SLC13A1: variants seen among roughly 807,000 people sequenced by gnomAD.
SLC13A1 encodes Na(+)/sulfate cotransporter.
SLC13A1 carries 65 observed loss-of-function variants against 70.0 expected under a neutral mutation model. The observed-to-expected ratio is 0.93, with a 90% CI of 0.76 to 1.14. The LOEUF (loss-of-function observed/expected upper bound fraction) is 1.14. Ranked by LOEUF, SLC13A1 falls within the 50% of genes most tolerant of loss-of-function variation. SLC13A1 has a pLI of 0.00. For missense variants in SLC13A1, 726 were observed against 717.8 expected, an observed-to-expected ratio of 1.01 and a Z score of -0.13; for synonymous variants, 275 against 250.5, an observed-to-expected ratio of 1.10 and a Z score of -0.92.
chr7:123,167,726 C>T (rs1383128665), intron 6 of SLC13A1, among the ~76,000 whole-genome samples: 1 of 152,000 alleles, frequency 6.6e-6, no homozygotes, highest in African/African-American at 2.4e-5. Flanking sequence ...GCTACAACTC[C>T]TCCACCTGTA....
At chr7:123,155,177 C>A (rs1025479154) in intron 6 of SLC13A1, among the ~76,000 whole-genome samples, 3 of 151,928 alleles carry the variant, frequency 2.0e-5, no homozygotes, top group Non-Finnish European at 4.4e-5. Flanking sequence ...AATCATAAAA[C>A]TTGTACTCTT....
At chr7:123,134,124 C>A (rs538302318) in intron 8 of SLC13A1, among the ~76,000 whole-genome samples, 2 of 151,870 alleles carry the variant, frequency 1.3e-5, no homozygotes, top group African/African-American at 4.8e-5. Flanking sequence ...GAGAGGATTG[C>A]GCAAGCAATC....
At chr7:123,139,520 T>C (rs1289208398) in intron 7 of SLC13A1, among the ~76,000 whole-genome samples, 3 of 152,102 alleles carry the variant, frequency 2.0e-5, no homozygotes, top group African/African-American at 7.2e-5. Context: ...ATGAACCTTT[T>C]AATAATATTG....
At chr7:123,165,915 G>A (rs1416164313) in intron 6 of SLC13A1, among the ~76,000 whole-genome samples, 2 of 152,080 alleles carry the variant, frequency 1.3e-5, no homozygotes, top group East Asian at 3.9e-4. Flanking sequence ...CTTTGTGTCA[G>A]GCAATGGGAA....
At position 123,147,199 on chromosome 7, in the gene SLC13A1, C is replaced by A; in HGVS notation, c.772G>T (p.Gly258Cys). The change falls in exon 7 of 15, where the codon GGT becomes TGT. Residue 258 changes from glycine to cysteine, a missense_variant. Physicochemically the swap from Gly to Cys is radical, Grantham distance 159. Transcript: ENST00000194130. ...GCAAAGATCAAGTTGGTGGAGGTAC[C>A]AGTGATTGTTGTCAGTCCACCAATG... is the stretch of plus-strand genomic sequence containing the variant. ...STIGGLTTIT[G>C]TSTNLIFAEY... is the part of the protein sequence containing the mutation. 1 of 1,613,560 alleles carries A rather than the reference C, an allele frequency of 6.2e-7. No homozygotes were observed.
At chr7:123,149,679 G>A (rs978831806) in intron 6 of SLC13A1, 6 of 450,554 alleles carry the variant, frequency 1.3e-5, no homozygotes, top group African/African-American at 1.0e-4. Context: ...GTTACTCAGG[G>A]GTAGAAAGAG....
chr7:123,178,580 A>G (rs780202126), intron 2 of SLC13A1, among the ~76,000 whole-genome samples: 5 of 152,164 alleles, frequency 3.3e-5, no homozygotes, highest in African/African-American at 4.8e-5. Flanking sequence ...TTATTAAAGG[A>G]CATGATCATA....
chr7:123,137,768 T>G (rs1002416354), intron 7 of SLC13A1, among the ~76,000 whole-genome samples: 1 of 152,166 alleles, frequency 6.6e-6, no homozygotes, highest in Non-Finnish European at 1.5e-5. Flanking sequence ...AAAAAAATTC[T>G]TAAAATTTTT....
chr7:123,150,104 G>A (rs1052859552), intron 6 of SLC13A1, among the ~76,000 whole-genome samples: 15 of 152,256 alleles, frequency 9.9e-5, no homozygotes, highest in Admixed American at 7.8e-4. Context: ...ATCCAGTGCT[G>A]TAATGATGTT....
intron 1 of SLC13A1, among the ~76,000 whole-genome samples, chr7:123,188,623 A>T (rs1012029129): frequency 2.0e-5 from 3 of 151,498 alleles, no homozygotes; most frequent in Admixed American, 2.0e-4. Flanking sequence ...TTTTTCTTTT[A>T]TCTCATGGAT....
intron 6 of SLC13A1, among the ~76,000 whole-genome samples, chr7:123,159,397 C>G (rs1008706162): frequency 6.6e-5 from 10 of 152,144 alleles, no homozygotes; most frequent in African/African-American, 2.4e-4. Flanking sequence ...CCTCTTTCTA[C>G]TGCATGTGCA....
At position 123,169,219 on chromosome 7, in the gene SLC13A1, G is replaced by A. The variant is rs1795178347; in HGVS notation, c.482C>T (p.Ala161Val). 4 of 1,614,042 alleles carry A rather than the reference G, an allele frequency of 2.5e-6. No individual in the cohort carries two copies. Among genetic ancestry groups the A allele is most frequent in the Non-Finnish European group, 3.4e-6 (4 of 1,179,984 alleles). ...CTGAGTGGCCTCGACCTCTGCTTCT[G>A]CATTGATGATCTGCTGCACTACAGC... ...AEAVVQQIIN[A>V]EAEVEATQMT... The change falls in exon 4 of 15, where the codon GCA becomes GTA. Residue 161 changes from alanine (A) to valine (V), a missense_variant. Transcript: ENST00000194130.
chr7:123,152,549 G>A (rs1794591006), intron 6 of SLC13A1, among the ~76,000 whole-genome samples: 1 of 151,978 alleles, frequency 6.6e-6, no homozygotes, highest in Non-Finnish European at 1.5e-5. Context: ...TGCTATTTGA[G>A]ACATTATTAA....
At chr7:123,144,188 T>C (rs1382239409) in intron 7 of SLC13A1, among the ~76,000 whole-genome samples, 5 of 152,086 alleles carry the variant, frequency 3.3e-5, no homozygotes, top group Admixed American at 2.6e-4. Context: ...GAAGTGGTCA[T>C]GTTGGAATGC....
intron 7 of SLC13A1, among the ~76,000 whole-genome samples, chr7:123,142,098 A>G (rs534120274): frequency 2.0e-5 from 3 of 152,090 alleles, no homozygotes; most frequent in African/African-American, 7.2e-5. Context: ...TTTTTCATGT[A>G]TAGGGTAAGG....
intron 6 of SLC13A1, among the ~76,000 whole-genome samples, chr7:123,155,416 T>C (rs1794677821): frequency 6.6e-6 from 1 of 152,098 alleles, no homozygotes; most frequent in Non-Finnish European, 1.5e-5. Context: ...TTTGTATTTG[T>C]ATTTCATAAA....
chr7:123,148,632 GTT>G, intron 6 of SLC13A1: 1 of 330,826 alleles, frequency 3.0e-6, no homozygotes, highest in Non-Finnish European at 5.9e-6. Context: ...TTAATGAATG[GTT>G]TTTCAGTTAT....
intron 7 of SLC13A1, among the ~76,000 whole-genome samples, chr7:123,136,231 G>A (rs1408386004): frequency 6.6e-6 from 1 of 152,194 alleles, no homozygotes; most frequent in Non-Finnish European, 1.5e-5. Context: ...TTTGACTGAA[G>A]ATGGGCTTTT....
At chr7:123,152,194 T>A (rs1334816641) in intron 6 of SLC13A1, among the ~76,000 whole-genome samples, 1 of 152,088 alleles carries the variant, frequency 6.6e-6, no homozygotes, top group Non-Finnish European at 1.5e-5. Context: ...AGCACAACCA[T>A]AAAAGGATTG....
Sources: allele counts gnomAD v4.1 joint callset (sites outside exome capture counted in the v4.1 genomes callset), GRCh38; gene constraint gnomAD v4.1.1; transcripts MANE v1.5; gene names NCBI Gene and HGNC (gene_info 2026-07-23, HGNC 2026-07-21).